MEG3: variants seen among roughly 807,000 people sequenced by gnomAD.
The protein encoded by MEG3 is Very putative protein from MEG3 locus.
intron 2 of MEG3, among the ~76,000 whole-genome samples, chr14:100,841,402 C>T (rs191641192): frequency 3.5e-4 from 53 of 152,336 alleles, no homozygotes; most frequent in Non-Finnish European, 4.9e-4. Context: ...CATGGTCGTC[C>T]GAGTGGCTCG....
intron 3 of MEG3, chr14:100,846,818 G>T (rs533304330): frequency 6.6e-6 from 1 of 152,098 alleles, no homozygotes; most frequent in African/African-American, 2.4e-5. Context: ...ATGGACTAAG[G>T]GGTATGTGTA....
At chr14:100,830,352 C>CACACAG (rs1279317721), downstream of MEG3, 1 of 142,564 alleles carries the variant, frequency 7.0e-6, no homozygotes, top group Non-Finnish European at 1.5e-5. Context: ...AAAACACACA[C>CACACAG]ACACACACAC....
exon 1 of MEG3, chr14:100,857,334 C>G (rs552255430): frequency 2.0e-5 from 3 of 152,206 alleles, no homozygotes; most frequent in Non-Finnish European, 4.4e-5. Flanking sequence ...CTCCTTTTCT[C>G]TAAGCCATAG....
At chr14:100,838,879 T>C (rs2037668367) in intron 2 of MEG3, among the ~76,000 whole-genome samples, 1 of 152,158 alleles carries the variant, frequency 6.6e-6, no homozygotes, top group South Asian at 2.1e-4. Context: ...TTCTCTCACC[T>C]GCGAGTTGCT....
upstream of MEG3, chr14:100,854,671 A>G (rs1387915380): frequency 1.3e-5 from 2 of 152,438 alleles, no homozygotes; most frequent in Non-Finnish European, 2.9e-5. Context: ...AGACAGCCAC[A>G]TCCTAGCACC....
chr14:100,834,866 C>T (rs1352452491), exon 1 of MEG3: 2 of 452,816 alleles, frequency 4.4e-6, no homozygotes, highest in Non-Finnish European at 8.9e-6. Context: ...GTGTGAGCAG[C>T]TTCCGACCCC....
intron 3 of MEG3, chr14:100,848,754 A>G (rs1217417497): frequency 6.6e-6 from 1 of 152,240 alleles, no homozygotes; most frequent in Non-Finnish European, 1.5e-5. Context: ...AGACTGAATG[A>G]AAGAATAAAT....
chr14:100,840,137 G>GA (rs1452232978), intron 2 of MEG3, among the ~76,000 whole-genome samples: 1 of 152,236 alleles, frequency 6.6e-6, no homozygotes, highest in African/African-American at 2.4e-5. Context: ...TTCATTAAGG[G>GA]AGAGGATGGT....
rs963778863 is a variant in MEG3, at chr14:100,845,291, G to C, written n.3046-167G>C. ...GGCAGCTGGTGGGTGAGTGGAGTCA[G>C]GAGAGAAATGCGTGGCTTCTCCAAT... On this transcript the variant is annotated intron_variant and non_coding_transcript_variant, in intron 2 of 3. Coordinates refer to the MEG3 transcript ENST00000398461. This position sits in a 1 kb window ranked among gnomAD's most constrained non-coding sequence, Gnocchi z 5.2. Among the ~76,000 whole-genome samples, 1 of 152,208 alleles carries C rather than the reference G, an allele frequency of 6.6e-6. No individual in the cohort carries two copies. Among genetic ancestry groups the C allele is most frequent in the African/African-American group, 2.4e-5 (1 of 41,456 alleles).
intron 3 of MEG3, chr14:100,846,050 G>A (rs2037908751): frequency 6.6e-6 from 1 of 152,316 alleles, no homozygotes; most frequent in Admixed American, 6.5e-5. Context: ...CAAAGTTTCC[G>A]GCTAAACCTC....
chr14:100,847,392 C>G (rs1566733689), intron 3 of MEG3: 1 of 152,186 alleles, frequency 6.6e-6, no homozygotes, highest in Non-Finnish European at 1.5e-5. Flanking sequence ...TTGAGTCATC[C>G]AGTCCTGGGC....
chr14:100,833,284 G>A (rs928864388), downstream of MEG3: 1 of 152,188 alleles, frequency 6.6e-6, no homozygotes, highest in South Asian at 2.1e-4. Flanking sequence ...TTTTGAAATG[G>A]AGTCTCGCTC....
chr14:100,852,357 T>G (rs2038107278), upstream of MEG3: 1 of 533,348 alleles, frequency 1.9e-6, no homozygotes, highest in Admixed American at 1.9e-5. Context: ...GGCAACAGCA[T>G]TTGGAAGGCG....
chr14:100,835,363 G>T lies in MEG3; in HGVS notation n.2395G>T, dbSNP rs182773727. On this transcript the variant is annotated non_coding_transcript_exon_variant, in exon 1 of 4. Coordinates refer to the MEG3 transcript ENST00000398461. Reference sequence around the variant, plus strand: ...GTGATGCCTTCCTCCCCCGGGGCTTGGTCCAGCTCCTTCACTCTCTAGCAG... The same window carrying T: ...GTGATGCCTTCCTCCCCCGGGGCTTTGTCCAGCTCCTTCACTCTCTAGCAG... 1.4e-3 allele frequency: 209 copies of T among 154,066 alleles called. 1 individual carries two copies. Among genetic ancestry groups the T allele is most frequent in the Admixed American group, 0.012 (183 of 15,424 alleles). The allele number at this position is 154,066 out of a possible 1,614,324, so 9.5% of individuals were successfully genotyped here.
chr14:100,832,936 A>T (rs1348853439), downstream of MEG3: 3 of 152,214 alleles, frequency 2.0e-5, no homozygotes, highest in Non-Finnish European at 4.4e-5. Context: ...ATCAGTTCCC[A>T]ACTCTAGCTC....
At chr14:100,852,491 C>A, upstream of MEG3, 1 of 511,290 alleles carries the variant, frequency 2.0e-6, no homozygotes. Flanking sequence ...TGCTCTTCTT[C>A]TCTTTCAGAA....
chr14:100,853,351 C>T (rs1198055744), upstream of MEG3: 1 of 152,174 alleles, frequency 6.6e-6, no homozygotes, highest in Non-Finnish European at 1.5e-5. Context: ...CTCAGGACCT[C>T]TGGGATAGAC....
At chr14:100,847,342 T>C (rs1268656883) in intron 3 of MEG3, 1 of 152,038 alleles carries the variant, frequency 6.6e-6, no homozygotes, top group African/African-American at 2.4e-5. Context: ...GAATGAGCAG[T>C]GGGAGTGCAG....
In MEG3 at chr14:100,835,161, CCTTCTCCCT is replaced by C. The variant is rs1595266885; in HGVS notation, n.2196_2204del. The stretch of plus-strand genomic sequence containing the variant: ...GGCTCTGCTCTGGTCGGAGCCAGCC[CCTTCTCCCT>C]CTCTGCCTTCCCCGCCCCATTCCTG... On this transcript the variant is annotated non_coding_transcript_exon_variant, in exon 1 of 4. Coordinates refer to the MEG3 transcript ENST00000398461. The C allele has an allele frequency of 1.2e-5, 3 of 257,944 alleles. No homozygotes were observed. The East Asian group carries it at 3.1e-4, about 26-fold the overall frequency. 16.0% of individuals were successfully genotyped at this position (257,944 alleles called of 1,614,324 possible).
Sources: allele counts gnomAD v4.1 joint callset (sites outside exome capture counted in the v4.1 genomes callset), GRCh38; gene constraint gnomAD v4.1.1; non-coding constraint Gnocchi (gnomAD v3.1); transcripts MANE v1.5; gene names NCBI Gene and HGNC (gene_info 2026-07-23, HGNC 2026-07-21).